PCDHA4: variants seen among roughly 807,000 people sequenced by gnomAD.
PCDHA4 encodes protocadherin alpha 4.
A neutral mutation model predicts 61.4 loss-of-function variants in PCDHA4; 49 were observed. The ratio of observed to expected loss-of-function variants is 0.80; its 90% CI spans 0.63 to 1.01. The LOEUF is 1.01. Among genes scored for constraint, PCDHA4 ranks in the 50% least tolerant of loss-of-function variants. The pLI is 0.00. For synonymous variants in PCDHA4, 590 were observed against 550.3 expected (o/e 1.07, Z -1.01); for missense variants, 1,254 against 1,235.8 (o/e 1.01, Z -0.22).
chr5:140,927,427 G>C, intron 1 of PCDHA4: 2 of 1,614,114 alleles, frequency 1.2e-6, no homozygotes, highest in African/African-American at 1.3e-5. Flanking sequence ...GCGGGTTGAC[G>C]GCAGCGAATA....
intron 1 of PCDHA4, chr5:140,835,893 C>T: frequency 2.5e-6 from 4 of 1,612,040 alleles, no homozygotes; most frequent in Middle Eastern, 2.0e-4. Flanking sequence ...CGAGCGCGCG[C>T]TGTCGAGCTA....
chr5:140,823,400 C>G, intron 1 of PCDHA4: 2 of 1,613,078 alleles, frequency 1.2e-6, no homozygotes, highest in African/African-American at 2.7e-5. Context: ...GCGGGCGTGC[C>G]GCCTCTGGGC....
Position 140,974,586 on chromosome 5 carries a change from A to G in PCDHA4, c.2386-4363A>G, listed in dbSNP as rs150396044. Among the ~76,000 whole-genome samples, 599 of 152,220 alleles carry G rather than the reference A, an allele frequency of 3.9e-3. 3 individuals carry two copies. Among genetic ancestry groups the G allele is most frequent in the African/African-American group, 0.014 (565 of 41,540 alleles). On this transcript the variant is annotated intron_variant, in intron 1 of 3. Transcript: ENST00000530339. The stretch of plus-strand genomic sequence containing the variant: ...GAGTGCAATGGCATGATCTTGGCTC[A>G]CTGCAACCTCTGCCTCCAGGGTTCA...
At position 140,836,647 on chromosome 5, in the gene PCDHA4, G is replaced by C. The variant is rs2150266694; in HGVS notation, c.2385+27075G>C. The C allele has an allele frequency of 1.3e-5, 21 of 1,613,346 alleles. 1 individual carries two copies. The highest frequency in any genetic ancestry group is 1.6e-5 in the Non-Finnish European group (19 of 1,179,654). ...AGCTGGTCATTCTCCCAGCAGAGGCGGCAGAGGGTGTGCTCTGGGGAGGGC... is the reference window on the plus strand; with the variant it reads ...AGCTGGTCATTCTCCCAGCAGAGGCCGCAGAGGGTGTGCTCTGGGGAGGGC... On this transcript the variant is annotated intron_variant, in intron 1 of 3. Transcript: ENST00000530339.
At chr5:140,994,704 C>CA (rs1294993555) in intron 3 of PCDHA4, among the ~76,000 whole-genome samples, 3 of 150,616 alleles carry the variant, frequency 2.0e-5, no homozygotes, top group African/African-American at 4.9e-5. Flanking sequence ...GACCCTGTCT[C>CA]AAAAAAAAAT....
chr5:140,925,671 A>G (rs999903876), intron 1 of PCDHA4, among the ~76,000 whole-genome samples: 5 of 148,178 alleles, frequency 3.4e-5, no homozygotes, highest in African/African-American at 1.2e-4. Flanking sequence ...TAATAATAAT[A>G]ATAATAAAGC....
intron 1 of PCDHA4, chr5:140,863,349 G>T: frequency 7.7e-7 from 1 of 1,302,266 alleles, no homozygotes. Flanking sequence ...TGCTGTACAC[G>T]ACGCTGCGGT....
intron 1 of PCDHA4, chr5:140,869,122 A>G (rs1562622538): frequency 2.5e-6 from 4 of 1,607,706 alleles, no homozygotes; most frequent in Non-Finnish European, 3.4e-6. Flanking sequence ...TTTTCAGAGA[A>G]GGGGATTGGG....
intron 1 of PCDHA4, chr5:140,927,582 G>C (rs1554204771): frequency 1.2e-6 from 2 of 1,614,174 alleles, no homozygotes; most frequent in Non-Finnish European, 8.5e-7. Context: ...ATGACAACGC[G>C]CCTGTATTTG....
chr5:140,987,730 C>CAA (rs2097266231), intron 3 of PCDHA4, among the ~76,000 whole-genome samples: 1 of 152,066 alleles, frequency 6.6e-6, no homozygotes, highest in African/African-American at 2.4e-5. Flanking sequence ...CCTACAGCTT[C>CAA]AAAATTTAGA....
chr5:140,907,139 T>C (rs2073191409), intron 1 of PCDHA4, among the ~76,000 whole-genome samples: 1 of 152,148 alleles, frequency 6.6e-6, no homozygotes, highest in African/African-American at 2.4e-5. Context: ...GAATTCCGGC[T>C]ATGGGAGAAA....
At chr5:140,873,835 A>G (rs917455135) in intron 1 of PCDHA4, among the ~76,000 whole-genome samples, 3 of 151,964 alleles carry the variant, frequency 2.0e-5, no homozygotes, top group Admixed American at 6.6e-5. Flanking sequence ...TAATTTTTGT[A>G]TTTTTAGTAG....
chr5:140,843,140 C>G (rs1432182351), intron 1 of PCDHA4: 1 of 1,595,908 alleles, frequency 6.3e-7, no homozygotes, highest in Non-Finnish European at 8.6e-7. Context: ...CAACGCGTGG[C>G]TTTCGTATGA....
At chr5:140,914,488 G>T (rs1437401245) in intron 1 of PCDHA4, among the ~76,000 whole-genome samples, 1 of 152,080 alleles carries the variant, frequency 6.6e-6, no homozygotes, top group Non-Finnish European at 1.5e-5. Flanking sequence ...AGTGTTTCTT[G>T]TGGGCAACAG....
chr5:140,818,720 C>G (rs2150102201), intron 1 of PCDHA4, among the ~76,000 whole-genome samples: 1 of 152,242 alleles, frequency 6.6e-6, no homozygotes, highest in African/African-American at 2.4e-5. Flanking sequence ...CACCTGTGGT[C>G]CCAGCTACTT....
At chr5:140,974,291 A>G (rs1417274006) in intron 1 of PCDHA4, among the ~76,000 whole-genome samples, 1 of 152,196 alleles carries the variant, frequency 6.6e-6, no homozygotes, top group Admixed American at 6.5e-5. Context: ...CTGGGCTCCA[A>G]GGAGGTACAA....
chr5:140,857,220 A>C (rs1554149674), intron 1 of PCDHA4: 1 of 1,598,480 alleles, frequency 6.3e-7, no homozygotes, highest in Admixed American at 1.7e-5. Flanking sequence ...CTGACGCCTC[A>C]CGTTCCGTTC....
chr5:140,893,530 A>G (rs2064036357), intron 1 of PCDHA4, among the ~76,000 whole-genome samples: 1 of 152,056 alleles, frequency 6.6e-6, no homozygotes, highest in South Asian at 2.1e-4. Context: ...TCCTTTAAGT[A>G]TTTCTTGTAG....
intron 1 of PCDHA4, among the ~76,000 whole-genome samples, chr5:140,939,692 A>T (rs2092437980): frequency 6.6e-6 from 1 of 152,222 alleles, no homozygotes; most frequent in African/African-American, 2.4e-5. Context: ...GTGTTGCTGG[A>T]CATTATCATT....
Sources: allele counts gnomAD v4.1 joint callset (sites outside exome capture counted in the v4.1 genomes callset), GRCh38; gene constraint gnomAD v4.1.1; transcripts MANE v1.5; gene names NCBI Gene and HGNC (gene_info 2026-07-23, HGNC 2026-07-21).